ZPLD1: variants seen among roughly 807,000 people sequenced by gnomAD.
ZPLD1 encodes the protein zona pellucida-like domain-containing protein 1.
Under a neutral mutation model 47.2 loss-of-function variants are expected in ZPLD1, and 34 were observed. The ratio of observed to expected loss-of-function variants is 0.72; its 90% confidence interval spans 0.55 to 0.96. The LOEUF (loss-of-function observed/expected upper bound fraction) is 0.96, where lower values mean the gene tolerates loss of function less well. ZPLD1 is among the 40% of genes least tolerant of loss of function. ZPLD1 has a pLI of 0.00. For missense variants in ZPLD1, 512 were observed against 505.8 expected (o/e 1.01, Z -0.12); for synonymous variants, 176 against 186.2 (o/e 0.95, Z 0.45).
At chr3:102,422,368 T>C (rs1706890868) in intron 8 of ZPLD1, among the ~76,000 whole-genome samples, 2 of 152,036 alleles carry the variant, frequency 1.3e-5, no homozygotes, top group Admixed American at 1.3e-4. Context: ...ATATAGTGGA[T>C]AGAAGCCAAG....
At chr3:102,426,098 T>G (rs938769885) in intron 8 of ZPLD1, among the ~76,000 whole-genome samples, 3 of 150,900 alleles carry the variant, frequency 2.0e-5, no homozygotes, top group Non-Finnish European at 4.4e-5. Context: ...CTTTAACATT[T>G]TGACATATTT....
At chr3:102,448,965 C>T (rs1219845733) in intron 3 of ZPLD1, among the ~76,000 whole-genome samples, 1 of 152,196 alleles carries the variant, frequency 6.6e-6, no homozygotes, top group Non-Finnish European at 1.5e-5. Flanking sequence ...AACTCTCTAA[C>T]AGCTGAGGAT....
chr3:102,431,979 G>T (rs193269622), upstream of ZPLD1, among the ~76,000 whole-genome samples: 1 of 152,280 alleles, frequency 6.6e-6, no homozygotes, highest in Non-Finnish European at 1.5e-5. Context: ...CTGGAGAGAA[G>T]ACTGTGTAAC....
chr3:102,451,954 C>G (rs915796534), intron 3 of ZPLD1, among the ~76,000 whole-genome samples: 31 of 152,132 alleles, frequency 2.0e-4, no homozygotes, highest in Admixed American at 2.0e-3. Context: ...TTCAGCATAT[C>G]TTTTTTTGGG....
intron 7 of ZPLD1, among the ~76,000 whole-genome samples, chr3:102,412,723 T>C (rs898706598): frequency 6.6e-6 from 1 of 151,726 alleles, no homozygotes; most frequent in African/African-American, 2.4e-5. Flanking sequence ...TAAAATGGAC[T>C]ACCCCTTATC....
At chr3:102,419,089 T>C (rs1445235818) in intron 8 of ZPLD1, among the ~76,000 whole-genome samples, 13 of 152,038 alleles carry the variant, frequency 8.6e-5, no homozygotes, top group Admixed American at 8.5e-4. Context: ...ATAATTCACT[T>C]TAAGGGTCAA....
chr3:102,413,829 G>A (rs1362508251), intron 7 of ZPLD1, among the ~76,000 whole-genome samples: 1 of 151,698 alleles, frequency 6.6e-6, no homozygotes, highest in African/African-American at 2.4e-5. Flanking sequence ...TAAAAAACAT[G>A]AGCAGCATAT....
chr3:102,460,344 T>C (rs1268344259), intron 6 of ZPLD1, among the ~76,000 whole-genome samples: 2 of 152,050 alleles, frequency 1.3e-5, no homozygotes, highest in East Asian at 1.9e-4. Flanking sequence ...TTTATTTTTA[T>C]GTGCTCTGGG....
intron 8 of ZPLD1, among the ~76,000 whole-genome samples, chr3:102,427,227 TAA>T (rs911108949): frequency 1.3e-5 from 2 of 152,138 alleles, no homozygotes; most frequent in African/African-American, 4.8e-5. Flanking sequence ...AGAAATAAAA[TAA>T]AAGTATACCA....
At chr3:102,388,989 CAGTTGTATA>C (rs1365223334) in intron 6 of ZPLD1, among the ~76,000 whole-genome samples, 1 of 152,136 alleles carries the variant, frequency 6.6e-6, no homozygotes, top group African/African-American at 2.4e-5. Flanking sequence ...CCTTCACCCT[CAGTTGTATA>C]ACTTCAGTTT....
chr3:102,435,430 A>G (rs1054849567), intron 1 of ZPLD1, among the ~76,000 whole-genome samples: 2 of 152,212 alleles, frequency 1.3e-5, no homozygotes, highest in African/African-American at 2.4e-5. Context: ...GACACTTTGT[A>G]TTGTAGCTTA....
intron 2 of ZPLD1, among the ~76,000 whole-genome samples, chr3:102,437,416 C>G (rs910745003): frequency 6.6e-6 from 1 of 152,136 alleles, no homozygotes; most frequent in Admixed American, 6.5e-5. Flanking sequence ...TTCCTAAAGA[C>G]TTGATTAATT....
At chr3:102,416,084 C>G (rs1706801067) in intron 7 of ZPLD1, among the ~76,000 whole-genome samples, 1 of 151,900 alleles carries the variant, frequency 6.6e-6, no homozygotes, top group Non-Finnish European at 1.5e-5. Context: ...AGTCACCCAG[C>G]TTGTAAGACA....
At chr3:102,386,336 G>A (rs1263248918) in intron 6 of ZPLD1, among the ~76,000 whole-genome samples, 2 of 146,590 alleles carry the variant, frequency 1.4e-5, no homozygotes, top group Non-Finnish European at 3.0e-5. Flanking sequence ...GTGTAGCCAT[G>A]TTTGAGAACT....
chr3:102,453,912 A>C (rs1336386284), intron 4 of ZPLD1, among the ~76,000 whole-genome samples: 1 of 152,242 alleles, frequency 6.6e-6, no homozygotes, highest in African/African-American at 2.4e-5. Context: ...GTGATTTGAC[A>C]GGAGTATTAG....
intron 5 of ZPLD1, 23 bp downstream of exon 5, chr3:102,456,397 C>T (rs763641888): frequency 6.2e-7 from 1 of 1,602,182 alleles, no homozygotes; most frequent in Admixed American, 1.7e-5. Context: ...TTTATTCCTG[C>T]TTTCTCATAT....
rs1479849379 is a variant in ZPLD1 at position 102,456,223 on chromosome 3, G to C, written c.358G>C (p.Gly120Arg). 1 of 1,613,294 alleles carries C rather than the reference G, an allele frequency of 6.2e-7. No individual in the cohort carries two copies. The highest frequency in any genetic ancestry group is 1.1e-5 in the South Asian group (1 of 90,836). The change falls in exon 5 of 12, where the codon GGA (glycine) becomes CGA (arginine). Residue 120 changes from glycine (G) to arginine (R), a missense_variant. Coordinates refer to ENST00000466937, the MANE Select transcript of ZPLD1 (RefSeq NM_001329788.2). ...VSTIPGVSAY[G>R]NATSVQVGNI... ...CACAATTCCTGGAGTCAGTGCTTAT[G>C]GAAATGCAACTTCAGTGCAAGTAGG...
intron 3 of ZPLD1, among the ~76,000 whole-genome samples, chr3:102,447,779 T>C (rs1211271869): frequency 6.6e-6 from 1 of 152,168 alleles, no homozygotes; most frequent in African/African-American, 2.4e-5. Context: ...TTATTAGATA[T>C]GTAAATAATA....
rs942284707 is a variant in ZPLD1 at position 102,436,611 on chromosome 3, G to A, written c.-122-249G>A. 5.3e-5 allele frequency among the ~76,000 whole-genome samples: 8 copies of A among 152,232 alleles called. No individual in the cohort carries two copies. The South Asian group carries it at 6.2e-4, about 12-fold the overall frequency. Reference sequence around the variant, plus strand: ...TCTAGTTCCTCCACTTCATTTTCACGTCATTTAAACCTTCTGAGACTCATT... The same window carrying A: ...TCTAGTTCCTCCACTTCATTTTCACATCATTTAAACCTTCTGAGACTCATT... On this transcript the variant is annotated intron_variant, in intron 1 of 11. Transcript: ENST00000466937.
Sources: gnomAD v4.1 joint callset for allele counts (sites outside exome capture counted in the v4.1 genomes callset) on GRCh38, gnomAD v4.1.1 for gene constraint, MANE v1.5 for transcripts, NCBI Gene and HGNC (gene_info 2026-07-23, HGNC 2026-07-21) for gene names.